Variants in DNMBP observed in about 807,000 individuals in gnomAD.
DNMBP encodes the protein dynamin-binding protein.
A neutral mutation model predicts 150.0 loss-of-function variants in DNMBP; 87 were observed. The observed-to-expected ratio is 0.58, with a 90% CI of 0.49 to 0.69. The LOEUF is 0.69. Ranked by LOEUF, DNMBP falls within the 30% of genes least tolerant of loss-of-function variation. The pLI is 0.00. For synonymous variants in DNMBP, 711 were observed against 750.4 expected, an observed-to-expected ratio of 0.95 and a Z score of 0.86; for missense variants, 1,774 against 1,949.0, an observed-to-expected ratio of 0.91 and a Z score of 1.69.
intron 3 of DNMBP, chr10:99,957,489 C>T (rs1007847917): frequency 3.4e-5 from 14 of 416,166 alleles, no homozygotes; most frequent in African/African-American, 6.0e-5. Context: ...ACTTTATCTA[C>T]ATATTTTACT....
intron 11 of DNMBP, among the ~76,000 whole-genome samples, chr10:99,891,152 C>T (rs2039549947): frequency 6.6e-6 from 1 of 150,854 alleles, no homozygotes; most frequent in Non-Finnish European, 1.5e-5. Flanking sequence ...TACTAGAACT[C>T]CCTCTCCCTC....
rs534048190 is a variant in DNMBP, at chr10:99,997,615, G to A, written c.-11+12223C>T. Among the ~76,000 whole-genome samples the A allele has an allele frequency of 1.1e-3, 166 of 152,202 alleles. 2 individuals carry two copies. Among genetic ancestry groups the A allele is most frequent in the African/African-American group, 3.7e-3 (154 of 41,516 alleles). ...GGAAACTCTAGAGAATAAACGACCA[G>A]TTTCTTCAACAAATAAATTACAAGC... On this transcript the variant is annotated intron_variant, in intron 1 of 16. Coordinates refer to ENST00000324109, the MANE Select transcript of DNMBP (RefSeq NM_015221.4).
chr10:99,904,488 A>G (rs1206809184), intron 6 of DNMBP, among the ~76,000 whole-genome samples: 1 of 152,040 alleles, frequency 6.6e-6, no homozygotes, highest in Non-Finnish European at 1.5e-5. Flanking sequence ...CTTGCCCTTC[A>G]TGGTCTTCTC....
chr10:99,960,179 T>C (rs184675468), intron 3 of DNMBP, among the ~76,000 whole-genome samples: 2 of 152,348 alleles, frequency 1.3e-5, no homozygotes, highest in Admixed American at 1.3e-4. Flanking sequence ...CAGTTCTATA[T>C]GATTTATGAT....
intron 12 of DNMBP, 71 bp downstream of exon 12, chr10:99,888,754 G>A: frequency 6.3e-7 from 1 of 1,587,056 alleles, no homozygotes; most frequent in Non-Finnish European, 8.6e-7. Flanking sequence ...CCGTGGAACT[G>A]ACTTGCATGA....
At chr10:99,970,023 T>C (rs539257544) in intron 2 of DNMBP, among the ~76,000 whole-genome samples, 26 of 152,294 alleles carry the variant, frequency 1.7e-4, no homozygotes, top group African/African-American at 6.3e-4. Context: ...GATCCAGCTT[T>C]TGCTCATCTC....
At chr10:99,984,943 T>C (rs1444380496) in intron 1 of DNMBP, among the ~76,000 whole-genome samples, 1 of 152,210 alleles carries the variant, frequency 6.6e-6, no homozygotes, top group Non-Finnish European at 1.5e-5. Flanking sequence ...GATTTCATCA[T>C]GTTGCCCAGG....
intron 14 of DNMBP, among the ~76,000 whole-genome samples, chr10:99,885,122 A>C (rs2039436668): frequency 1.3e-5 from 2 of 152,204 alleles, no homozygotes; most frequent in South Asian, 2.1e-4. Context: ...TTATGAATAC[A>C]TCATAAAAAA....
chr10:99,939,483 A>C (rs1196746794), intron 4 of DNMBP, among the ~76,000 whole-genome samples: 1 of 152,278 alleles, frequency 6.6e-6, no homozygotes, highest in African/African-American at 2.4e-5. Context: ...TACAACAATG[A>C]AAGAGATTGG....
chr10:99,936,276 ACTT>A (rs2040229950), intron 4 of DNMBP, among the ~76,000 whole-genome samples: 1 of 152,114 alleles, frequency 6.6e-6, no homozygotes, highest in African/African-American at 2.4e-5. Flanking sequence ...CTTTACCTCA[ACTT>A]CTTCTACAAT....
At chr10:99,941,064 T>C (rs1199623701) in intron 4 of DNMBP, among the ~76,000 whole-genome samples, 1 of 152,092 alleles carries the variant, frequency 6.6e-6, no homozygotes, top group South Asian at 2.1e-4. Flanking sequence ...TTTGTGTTTT[T>C]AGTAGTGACG....
At chr10:99,945,215 A>G (rs2902363) in intron 4 of DNMBP, among the ~76,000 whole-genome samples, 70,891 of 152,136 alleles carry the variant, frequency 0.47, 17,510 homozygotes, top group African/African-American at 0.63. Flanking sequence ...TCTAGGAAAC[A>G]AGAGAAGGTA....
At chr10:100,000,591 A>G (rs1364856196) in intron 1 of DNMBP, among the ~76,000 whole-genome samples, 2 of 152,104 alleles carry the variant, frequency 1.3e-5, no homozygotes, top group Non-Finnish European at 2.9e-5. Context: ...TAGCCTGCTG[A>G]ACCTATGCAT....
At chr10:99,941,593 C>T (rs2040301429) in intron 4 of DNMBP, among the ~76,000 whole-genome samples, 1 of 152,128 alleles carries the variant, frequency 6.6e-6, no homozygotes, top group East Asian at 1.9e-4. Flanking sequence ...CTCAGCCTCC[C>T]TAGTAGCTGG....
rs546580027 is a variant in DNMBP at position 99,994,458 on chromosome 10, G to C, written c.-11+15380C>G. ...AGGGGAACATAAATAATAGGGATGA[G>C]ACAGCAGGCTCTAGGCGGGGCCAAC... On this transcript the variant is annotated intron_variant, in intron 1 of 16. Coordinates refer to ENST00000324109, the MANE Select transcript of DNMBP (RefSeq NM_015221.4). Among the ~76,000 whole-genome samples the C allele has an allele frequency of 2.0e-5, 3 of 152,214 alleles. No individual in the cohort carries two copies. The South Asian group carries it at 6.2e-4, about 32-fold the overall frequency.
At chr10:99,930,899 CG>C in intron 4 of DNMBP, 1 of 558,178 alleles carries the variant, frequency 1.8e-6, no homozygotes, top group East Asian at 2.9e-5. Flanking sequence ...ACACTCTTCT[CG>C]TTGCTCTAGT....
intron 4 of DNMBP, among the ~76,000 whole-genome samples, chr10:99,951,321 G>A (rs1251738780): frequency 1.3e-5 from 2 of 152,216 alleles, no homozygotes; most frequent in African/African-American, 4.8e-5. Flanking sequence ...CAGTGCAGAA[G>A]GAAAATGTGG....
chr10:99,877,285 C>T lies in DNMBP; in HGVS notation c.4600G>A (p.Val1534Met), dbSNP rs377547949. The T allele has an allele frequency of 1.5e-5, 25 of 1,613,802 alleles. 1 individual carries two copies. The highest frequency in any genetic ancestry group is 5.3e-5 in the African/African-American group (4 of 74,888). The change falls in exon 17 of 17, where the codon GTG becomes ATG. Residue 1534 changes from valine (V) to methionine (M), a missense_variant. By Grantham distance (21) the Val-to-Met change is conservative (BLOSUM62 1). Coordinates refer to ENST00000324109, the MANE Select transcript of DNMBP (RefSeq NM_015221.4). ...FKARNPNELS[V>M]SANQKLKILE... is the part of the protein sequence containing the mutation. ...ATCTTGAGTTTCTGATTGGCTGACA[C>T]GCTCAGCTCATTTGGGTTTCGTGCC...
At chr10:99,997,745 G>A (rs1231314069) in intron 1 of DNMBP, among the ~76,000 whole-genome samples, 2 of 151,764 alleles carry the variant, frequency 1.3e-5, no homozygotes, top group African/African-American at 2.4e-5. Context: ...TCAGGAGTTC[G>A]AGACCAGCCT....
Sources: gnomAD v4.1 joint callset for allele counts (sites outside exome capture counted in the v4.1 genomes callset) on GRCh38, gnomAD v4.1.1 for gene constraint, MANE v1.5 for transcripts, NCBI Gene and HGNC (gene_info 2026-07-23, HGNC 2026-07-21) for gene names.